HYDIN: variants seen among roughly 807,000 people sequenced by gnomAD.
HYDIN encodes the protein axonemal central pair apparatus protein HYDIN.
In HYDIN, 132 loss-of-function variants were observed where a neutral mutation model predicts 403.9. The ratio of observed to expected loss-of-function variants is 0.33; its 90% CI spans 0.28 to 0.38. HYDIN has a LOEUF of 0.38. HYDIN is among the 10% of genes least tolerant of loss of function. The pLI, the probability that HYDIN is intolerant of heterozygous loss-of-function variation, is 1.00. For synonymous variants in HYDIN, 1,202 were observed against 1,891.7 expected (o/e 0.64, Z 9.46); for missense variants, 2,827 against 5,009.5 (o/e 0.56, Z 13.15).
intron 83 of HYDIN, among the ~76,000 whole-genome samples, chr16:70,823,987 G>C (rs2036424665): frequency 1.3e-5 from 2 of 149,634 alleles, no homozygotes; most frequent in Admixed American, 1.3e-4. Context: ...CCTTTTCGAG[G>C]ATTGCAGTAT....
intron 85 of HYDIN, among the ~76,000 whole-genome samples, chr16:70,809,246 T>C (rs899507185): frequency 4.6e-5 from 7 of 152,186 alleles, no homozygotes; most frequent in African/African-American, 1.7e-4. Context: ...TGAACCTATA[T>C]TCCAACTGAT....
At chr16:70,860,228 G>T (rs531627244) in intron 70 of HYDIN, 22 bp from the exon 71 acceptor site, 1 of 1,607,434 alleles carries the variant, frequency 6.2e-7, no homozygotes, top group Admixed American at 1.7e-5. Flanking sequence ...GGAGAGAATT[G>T]ACAGAAGAGA....
intron 41 of HYDIN, among the ~76,000 whole-genome samples, chr16:70,945,742 G>T (rs763287281): frequency 6.6e-6 from 1 of 152,152 alleles, no homozygotes; most frequent in Non-Finnish European, 1.5e-5. Context: ...AAGAGGAGGG[G>T]GTGATCAGCT....
At chr16:71,190,316 C>A (rs2087368856) in intron 1 of HYDIN, among the ~76,000 whole-genome samples, 2 of 149,238 alleles carry the variant, frequency 1.3e-5, no homozygotes, top group Non-Finnish European at 3.0e-5. Flanking sequence ...GAAAGCATTC[C>A]CATTAACCAA....
At chr16:70,982,694 G>A (rs117801354) in intron 28 of HYDIN, among the ~76,000 whole-genome samples, 15,346 of 147,982 alleles carry the variant, frequency 0.1, 946 homozygotes, top group East Asian at 0.19. Flanking sequence ...ATCTAGAGCT[G>A]CTCCATCCTT....
chr16:70,847,913 T>A (rs2038328914), intron 75 of HYDIN, among the ~76,000 whole-genome samples: 1 of 151,204 alleles, frequency 6.6e-6, no homozygotes, highest in South Asian at 2.1e-4. Flanking sequence ...CCATTACATG[T>A]ATTTTGCTAT....
rs1158410002 is a variant in HYDIN, at chr16:70,802,315, CAT to C, written c.*5263_*5264del. The C allele has an allele frequency of 1.3e-5, 2 of 152,144 alleles. No homozygotes were observed. The highest frequency in any genetic ancestry group is 2.1e-4 in the South Asian group (1 of 4,828). The allele number at this position is 152,144 out of a possible 1,614,324, so 9.4% of individuals were successfully genotyped here. On this transcript the variant is annotated 3_prime_UTR_variant, in exon 86 of 86. Transcript: ENST00000393567. ...AATATGATGGGCTATGCATCACTCA[CAT>C]GATTATATTATGTAATATCGCAGAA...
At chr16:70,831,313 C>T (rs2036967520) in intron 80 of HYDIN, among the ~76,000 whole-genome samples, 1 of 151,318 alleles carries the variant, frequency 6.6e-6, no homozygotes, top group African/African-American at 2.4e-5. Flanking sequence ...AGTTTGAGAC[C>T]AACCCGGCCA....
intron 1 of HYDIN, among the ~76,000 whole-genome samples, chr16:71,225,898 CATT>C (rs1447838303): frequency 3.3e-5 from 5 of 152,154 alleles, no homozygotes; most frequent in Admixed American, 1.3e-4. Flanking sequence ...TATAAAACAT[CATT>C]GAGAGAAATT....
intron 1 of HYDIN, among the ~76,000 whole-genome samples, chr16:71,228,749 A>G (rs1394976564): frequency 6.6e-6 from 1 of 152,178 alleles, no homozygotes; most frequent in African/African-American, 2.4e-5. Flanking sequence ...ACAGTGTGGC[A>G]ATTCCCCAAG....
chr16:71,094,205 TA>T (rs1273129171), intron 10 of HYDIN, among the ~76,000 whole-genome samples: 1 of 151,914 alleles, frequency 6.6e-6, no homozygotes, highest in Non-Finnish European at 1.5e-5. Context: ...TTCTTTACAA[TA>T]TATTTATTTA....
chr16:71,064,064 T>A (rs2082177802), intron 16 of HYDIN, among the ~76,000 whole-genome samples: 1 of 127,798 alleles, frequency 7.8e-6, no homozygotes, highest in African/African-American at 2.7e-5. Flanking sequence ...TTAGTTAGAA[T>A]ATTGTAATTC....
intron 10 of HYDIN, among the ~76,000 whole-genome samples, chr16:71,104,991 GC>G: frequency 7.7e-6 from 1 of 130,298 alleles, no homozygotes. Flanking sequence ...AAACATGTGA[GC>G]TGGTATCCTA....
At chr16:71,145,992 A>C (rs909046321) in intron 7 of HYDIN, among the ~76,000 whole-genome samples, 3 of 151,896 alleles carry the variant, frequency 2.0e-5, no homozygotes, top group African/African-American at 7.2e-5. Flanking sequence ...CTCAAAACTC[A>C]ACAAATAGCG....
chr16:71,039,650 A>C lies in HYDIN; in HGVS notation c.2530-7733T>G, dbSNP rs2081216514. ...CTTTGATGGCATAACTTCAGAGAAG[A>C]AGCTGGCTGCAGATGGCCGGACTTC... On this transcript the variant is annotated intron_variant, in intron 18 of 85. Coordinates refer to ENST00000393567, the MANE Select transcript of HYDIN (RefSeq NM_001270974.2). Among the ~76,000 whole-genome samples the C allele has an allele frequency of 2.6e-5, 4 of 152,254 alleles. No individual in the cohort carries two copies. In the South Asian group the frequency reaches 8.3e-4, roughly 32 times the overall value.
intron 75 of HYDIN, among the ~76,000 whole-genome samples, chr16:70,841,258 A>G (rs1413474610): frequency 2.0e-5 from 3 of 152,158 alleles, no homozygotes; most frequent in Admixed American, 6.5e-5. Context: ...GACTGATTCA[A>G]TGAAAAGGAT....
chr16:71,221,358 ATGAT>A (rs1358038310), intron 1 of HYDIN, among the ~76,000 whole-genome samples: 1 of 152,182 alleles, frequency 6.6e-6, no homozygotes, highest in African/African-American at 2.4e-5. Context: ...GCCTCAAAGT[ATGAT>A]TTTTACTTTA....
chr16:71,042,502 C>A (rs2081316447), intron 18 of HYDIN, among the ~76,000 whole-genome samples: 1 of 152,138 alleles, frequency 6.6e-6, no homozygotes, highest in African/African-American at 2.4e-5. Context: ...TTCATCCTCC[C>A]AATATAGTTA....
chr16:70,938,501 C>A (rs922627565), intron 44 of HYDIN, 113 bp downstream of exon 44: 23 of 729,964 alleles, frequency 3.2e-5, no homozygotes, highest in Non-Finnish European at 4.8e-5. Flanking sequence ...GGGCCTTCTG[C>A]AGCTCCTGCT....
Sources: gnomAD v4.1 joint callset for allele counts (sites outside exome capture counted in the v4.1 genomes callset) on GRCh38, gnomAD v4.1.1 for gene constraint, MANE v1.5 for transcripts, NCBI Gene and HGNC (gene_info 2026-07-23, HGNC 2026-07-21) for gene names.